The following ATP8B3 variants were observed in gnomAD, a reference collection of about 807,000 sequenced individuals.
ATP8B3 encodes phospholipid-transporting ATPase IK.
Under a neutral mutation model 140.9 loss-of-function variants are expected in ATP8B3, and 141 were observed. The ratio of observed to expected loss-of-function variants is 1.00; its 90% CI spans 0.87 to 1.15. The LOEUF (loss-of-function observed/expected upper bound fraction) is 1.15. Among genes scored for constraint, ATP8B3 ranks in the 50% most tolerant of loss-of-function variants. ATP8B3 has a pLI of 0.00. For missense variants in ATP8B3, 1,874 were observed against 1,740.6 expected (o/e 1.08, Z -1.36); for synonymous variants, 765 against 714.6 (o/e 1.07, Z -1.13).
rs1383997145 is a variant in ATP8B3 at position 1,807,923 on chromosome 19, G to A, written c.516+299C>T. ...CGGGGGCCAGGGGAGCTGCGTGGCC[G>A]AGGCCGTTTAGGCTGGGGAACAGCT... is the stretch of plus-strand genomic sequence containing the variant. On this transcript the variant is annotated intron_variant, in intron 5 of 28. Coordinates refer to ENST00000310127, the MANE Select transcript of ATP8B3 (RefSeq NM_138813.4). This position sits in a 1 kb window ranked among gnomAD's most constrained non-coding sequence, Gnocchi z 5.9. Among the ~76,000 whole-genome samples the A allele has an allele frequency of 1.3e-5, 2 of 152,362 alleles. No individual in the cohort carries two copies. Among genetic ancestry groups the A allele is most frequent in the East Asian group, 1.9e-4 (1 of 5,184 alleles).
rs2068994174 is a variant in ATP8B3 at position 1,805,826 on chromosome 19, G to A, written c.821+62C>T. 6.3e-7 allele frequency: 1 copy of A among 1,595,874 alleles called. No homozygotes were observed. The highest frequency in any genetic ancestry group is 1.1e-5 in the South Asian group (1 of 90,412). On this transcript the variant is annotated intron_variant, in intron 9 of 28. Transcript: ENST00000310127. This position sits in a 1 kb window ranked among gnomAD's most constrained non-coding sequence, Gnocchi z 5.2. ...GCCGCCTCCTTGGTGACTGGGGAAG[G>A]GGGCTCCTCCGGGCCATGCTCCCCA...
At chr19:1,791,710 G>A in intron 20 of ATP8B3, 40 bp downstream of exon 20, 1 of 1,485,176 alleles carries the variant, frequency 6.7e-7, no homozygotes, top group Non-Finnish European at 9.3e-7. Context: ...GAAGACCCAT[G>A]CTGCAGGGGC....
chr19:1,782,153 C>T lies in ATP8B3; in HGVS notation c.*875G>A, dbSNP rs1484764248. 1.9e-5 allele frequency: 4 copies of T among 208,630 alleles called. No individual in the cohort carries two copies. Among genetic ancestry groups the T allele is most frequent in the Admixed American group, 5.9e-5 (1 of 16,816 alleles). 12.9% of individuals were successfully genotyped at this position (208,630 alleles called of 1,614,324 possible). A position where few individuals can be genotyped will look rare whatever the true frequency, so the allele number is the denominator to read the frequency against. The stretch of plus-strand genomic sequence containing the variant: ...AGTCCTTGTCTTTAGAGGAAGGCCC[C>T]CTGCATGCTGGTTGACTTGCAGCAG... On this transcript the variant is annotated 3_prime_UTR_variant, in exon 29 of 29. Transcript: ENST00000310127.
At chr19:1,783,845 T>C (rs1251214824) in intron 28 of ATP8B3, among the ~76,000 whole-genome samples, 1 of 152,134 alleles carries the variant, frequency 6.6e-6, no homozygotes. Context: ...TCCCCTCCCT[T>C]TTTTTTGAGG....
chr19:1,804,206 C>T lies in ATP8B3; in HGVS notation c.904+1168G>A, dbSNP rs551107284. On this transcript the variant is annotated intron_variant, in intron 10 of 28. Coordinates refer to ENST00000310127, the MANE Select transcript of ATP8B3 (RefSeq NM_138813.4). Reference sequence around the variant, plus strand: ...CTCCAGGTGGAAAATAAGAAACCGTCAAGCAGGCCGGGTGTGGTGGCTCAC... The same window carrying T: ...CTCCAGGTGGAAAATAAGAAACCGTTAAGCAGGCCGGGTGTGGTGGCTCAC... 5.3e-5 allele frequency among the ~76,000 whole-genome samples: 8 copies of T among 152,214 alleles called. No individual in the cohort carries two copies. The South Asian group carries it at 1.7e-3, about 32-fold the overall frequency.
chr19:1,796,380 AC>A, intron 16 of ATP8B3, 115 bp from the exon 17 acceptor site: 1 of 1,058,762 alleles, frequency 9.4e-7, no homozygotes, highest in Non-Finnish European at 1.3e-6. Flanking sequence ...GTGGCCGGGG[AC>A]CCCCGCCTGT....
At position 1,807,352 on chromosome 19, in the gene ATP8B3, C is replaced by T. The variant is rs1025773600; in HGVS notation, c.517-86G>A. ...CACCAAGCCGACCTAGCCCCGCACT[C>T]GACACCACGTGACACATCTGCTGGC... is the stretch of plus-strand genomic sequence containing the variant. On this transcript the variant is annotated intron_variant, in intron 5 of 28. Transcript: ENST00000310127. The surrounding 1 kb of genome is among the most constrained non-coding windows in gnomAD (Gnocchi z 5.9). 38 of 1,087,616 alleles carry T rather than the reference C, an allele frequency of 3.5e-5. No individual in the cohort carries two copies. The highest frequency in any genetic ancestry group is 1.9e-4 in the African/African-American group (12 of 64,684). 67.4% of individuals were successfully genotyped at this position (1,087,616 alleles called of 1,614,324 possible).
chr19:1,804,340 T>G (rs1437128684), intron 10 of ATP8B3, among the ~76,000 whole-genome samples: 1 of 151,854 alleles, frequency 6.6e-6, no homozygotes, highest in African/African-American at 2.4e-5. Context: ...CCGGGTGCGG[T>G]GGCTCATGCC....
chr19:1,795,784 TACACACACACACACACACACACACACAC>T (rs10526864), intron 18 of ATP8B3, 63 bp downstream of exon 18: 397 of 894,666 alleles, frequency 4.4e-4, no homozygotes, highest in African/African-American at 2.1e-3. Context: ...CTCCTGTCCC[TACACACACACACACACACACACACACAC>T]ACACACACAC....
intron 24 of ATP8B3, among the ~76,000 whole-genome samples, chr19:1,788,228 C>G (rs547006229): frequency 6.6e-6 from 1 of 152,330 alleles, no homozygotes; most frequent in East Asian, 1.9e-4. Flanking sequence ...TAGTCCTTGT[C>G]AGGATACCGC....
intron 3 of ATP8B3, 88 bp from the exon 4 acceptor site, chr19:1,809,822 G>C (rs1341773030): frequency 8.1e-7 from 1 of 1,240,186 alleles, no homozygotes; most frequent in East Asian, 2.5e-5. Context: ...CATGGGGCCC[G>C]TGGGACCCAG....
Position 1,798,997 on chromosome 19 carries a change from GC to G in ATP8B3, c.1552+949del, listed in dbSNP as rs2068762121. ...GTCTTGACAAAAAATACAAAAATAA[GC>G]TGGGTAAGGTGGCACTCTCCTGTAG... On this transcript the variant is annotated intron_variant, in intron 14 of 28. Transcript: ENST00000310127. The G allele has an allele frequency of 2.0e-5, 3 of 151,320 alleles. No individual in the cohort carries two copies. The South Asian group carries it at 6.3e-4, about 32-fold the overall frequency. The allele number at this position is 151,320 out of a possible 1,614,324, so 9.4% of individuals were successfully genotyped here. A position where few individuals can be genotyped will look rare whatever the true frequency, so the allele number is the denominator to read the frequency against.
Position 1,807,278 on chromosome 19 carries a change from G to A in ATP8B3, c.517-12C>T. On this transcript the variant is annotated splice_polypyrimidine_tract_variant and intron_variant, in intron 5 of 28. Coordinates refer to ENST00000310127, the MANE Select transcript of ATP8B3 (RefSeq NM_138813.4). The surrounding 1 kb of genome is among the most constrained non-coding windows in gnomAD (Gnocchi z 5.9). ...ATGTCGGGAATGCTCTGACGTGAGG[G>A]GGCCACAGGAAGGGTCACACCAGCC... 3.1e-6 allele frequency: 5 copies of A among 1,606,678 alleles called. No homozygotes were observed. Among genetic ancestry groups the A allele is most frequent in the South Asian group, 1.1e-5 (1 of 90,856 alleles).
At position 1,809,695 on chromosome 19, in the gene ATP8B3, T is replaced by A. The variant is rs1421547111; in HGVS notation, c.350A>T (p.Asn117Ile). 8.7e-6 allele frequency: 14 copies of A among 1,611,624 alleles called. No individual in the cohort carries two copies. The highest frequency in any genetic ancestry group is 1.0e-5 in the Non-Finnish European group (12 of 1,179,278). Residue 117 changes from asparagine to isoleucine, a missense_variant, in exon 4 of 29, where the codon AAC becomes ATC. Asn to Ile is a moderately radical substitution (Grantham distance 149). Transcript: ENST00000310127. Reference protein sequence around the residue: ...WKVQANNRAYNGQFKEKVILC... With the variant: ...WKVQANNRAYIGQFKEKVILC... The stretch of plus-strand genomic sequence containing the variant: ...GATCACCTTCTCCTTGAACTGCCCG[T>A]TGTAGGCACGGTTGTTGGCCTGGAC...
rs748537208 is a variant in ATP8B3 at position 1,800,165 on chromosome 19, C to A, written c.1344-10G>T. The A allele has an allele frequency of 6.4e-7, 1 of 1,559,294 alleles. No homozygotes were observed. Among genetic ancestry groups the A allele is most frequent in the African/African-American group, 1.4e-5 (1 of 73,832 alleles). ...GTAGATGAACTCGGACCTGCAGAGG[C>A]ACTCAGGGTCACGGTCAGCCCCGCC... On this transcript the variant is annotated splice_polypyrimidine_tract_variant and intron_variant, in intron 13 of 28. Transcript: ENST00000310127. This position sits in a 1 kb window ranked among gnomAD's most constrained non-coding sequence, Gnocchi z 4.4.
chr19:1,803,543 G>A lies in ATP8B3; in HGVS notation c.905-898C>T, dbSNP rs964198272. Among the ~76,000 whole-genome samples the A allele has an allele frequency of 8.5e-5, 13 of 152,314 alleles. 1 individual carries two copies. Among genetic ancestry groups the A allele is most frequent in the Admixed American group, 1.3e-4 (2 of 15,310 alleles). ...CCACAAAAGCCTCCTTGCTCAGCCCGGGAGGAAATGCTAGAGGAAGAGCCG... is the reference window on the plus strand; with the variant it reads ...CCACAAAAGCCTCCTTGCTCAGCCCAGGAGGAAATGCTAGAGGAAGAGCCG... On this transcript the variant is annotated intron_variant, in intron 10 of 28. Transcript: ENST00000310127.
intron 24 of ATP8B3, among the ~76,000 whole-genome samples, 199 bp downstream of exon 24, chr19:1,788,698 G>A (rs971354591): frequency 6.6e-6 from 1 of 152,182 alleles, no homozygotes; most frequent in Non-Finnish European, 1.5e-5. Flanking sequence ...TGGGCACAGA[G>A]CTAGACAGGG....
chr19:1,808,409 A>C (rs1242153464), intron 4 of ATP8B3, 74 bp from the exon 5 acceptor site: 35 of 1,116,830 alleles, frequency 3.1e-5, no homozygotes, highest in Non-Finnish European at 3.7e-5. Flanking sequence ...CCGAGGCCAG[A>C]CCTGCCTCAC....
At chr19:1,808,891 G>A (rs1600485305) in intron 4 of ATP8B3, among the ~76,000 whole-genome samples, 1 of 152,150 alleles carries the variant, frequency 6.6e-6, no homozygotes, top group African/African-American at 2.4e-5. Context: ...TAAAAATATC[G>A]GCCAGACATG....
Sources: gnomAD v4.1 joint callset for allele counts (sites outside exome capture counted in the v4.1 genomes callset) on GRCh38, gnomAD v4.1.1 for gene constraint, Gnocchi (gnomAD v3.1) non-coding constraint, MANE v1.5 for transcripts, NCBI Gene and HGNC (gene_info 2026-07-23, HGNC 2026-07-21) for gene names.